Variants in TMEM30B observed in about 807,000 individuals in gnomAD.
TMEM30B encodes cell cycle control protein 50B.
Under a neutral mutation model 27.9 loss-of-function variants are expected in TMEM30B, and 25 were observed. The observed-to-expected ratio is 0.89, with a 90% CI of 0.65 to 1.25. The LOEUF is 1.25. Ranked by LOEUF, TMEM30B falls within the 50% of genes most tolerant of loss-of-function variation. TMEM30B has a pLI of 0.00. For synonymous variants in TMEM30B, 248 were observed against 238.5 expected (o/e 1.04, Z -0.37); for missense variants, 536 against 506.5 (o/e 1.06, Z -0.56).
In TMEM30B at chr14:61,279,248, T is replaced by G. The variant is rs188245392; in HGVS notation, c.*844A>C. The G allele has an allele frequency of 6.6e-6, 1 of 152,344 alleles. No individual in the cohort carries two copies. Among genetic ancestry groups the G allele is most frequent in the Non-Finnish European group, 1.5e-5 (1 of 68,028 alleles). 9.4% of individuals were successfully genotyped at this position (152,344 alleles called of 1,614,324 possible). ...ATAAACCCTGTCCTACAACTCTGTA[T>G]GCCAACTAGTTTTCCCCAGATAGTA... is the stretch of plus-strand genomic sequence containing the variant. On this transcript the variant is annotated 3_prime_UTR_variant, in exon 1 of 1. Transcript: ENST00000555868.
In TMEM30B at chr14:61,280,508, C is replaced by A. The variant is rs2045249145; in HGVS notation, c.640G>T (p.Gly214Cys). Residue 214 changes from glycine to cysteine, a missense_variant, in exon 1 of 1, where the codon GGC (glycine) becomes TGC (cysteine). By Grantham distance (159) the Gly-to-Cys change is radical (BLOSUM62 -3). Coordinates refer to ENST00000555868, the MANE Select transcript of TMEM30B (RefSeq NM_001017970.3). This position sits in a 1 kb window ranked among gnomAD's most constrained non-coding sequence, Gnocchi z 5.0. ...VKFRNPPLVN[G>C]SLALAFQGTA... ...CCCTGGAAGGCCAACGCCAGGCTGC[C>A]GTTGACCAGCGGCGGGTTGCGGAAC... 3.7e-6 allele frequency: 6 copies of A among 1,612,964 alleles called. No individual in the cohort carries two copies. Among genetic ancestry groups the A allele is most frequent in the Non-Finnish European group, 5.1e-6 (6 of 1,179,606 alleles).
At position 61,277,665 on chromosome 14, in the gene TMEM30B, A is replaced by G. The variant is rs143577620; in HGVS notation, c.*2427T>C. The G allele has an allele frequency of 6.6e-6, 1 of 152,344 alleles. No homozygotes were observed. The highest frequency in any genetic ancestry group is 2.4e-5 in the African/African-American group (1 of 41,580). The allele number at this position is 152,344 out of a possible 1,614,324, so 9.4% of individuals were successfully genotyped here. On this transcript the variant is annotated 3_prime_UTR_variant, in exon 1 of 1. Transcript: ENST00000555868. ...GCAATTTATAATTGAAGTAAAATGC[A>G]GAAGACTACTACAAAAATTTTTAAA... is the stretch of plus-strand genomic sequence containing the variant.
chr14:61,280,146 G>A lies in TMEM30B; in HGVS notation c.1002C>T (p.Val334=), dbSNP rs201229810. 3.1e-6 allele frequency: 5 copies of A among 1,613,914 alleles called. No homozygotes were observed. The highest frequency in any genetic ancestry group is 4.2e-6 in the Non-Finnish European group (5 of 1,179,970). ...VGSLCILTGF[V]MLVVYIRYQD... Reference sequence around the variant, plus strand: ...GGTAGCGAATGTAGACGACCAGCATGACAAAGCCGGTGAGGATGCAGAGGG... The same window carrying A: ...GGTAGCGAATGTAGACGACCAGCATAACAAAGCCGGTGAGGATGCAGAGGG... The change falls in exon 1 of 1, where the codon GTC becomes GTT. Residue 334 remains valine, a synonymous_variant. Transcript: ENST00000555868. The surrounding 1 kb of genome is among the most constrained non-coding windows in gnomAD (Gnocchi z 5.0).
Position 61,281,194 on chromosome 14 carries a change from C to A in TMEM30B, c.-47G>T. 8.6e-7 allele frequency: 1 copy of A among 1,158,706 alleles called. No individual in the cohort carries two copies. The highest frequency in any genetic ancestry group is 1.1e-6 in the Non-Finnish European group (1 of 908,208). 71.8% of individuals were successfully genotyped at this position (1,158,706 alleles called of 1,614,324 possible). A position where few individuals can be genotyped will look rare whatever the true frequency, so the allele number is the denominator to read the frequency against. ...GCGCGGGCTGACCGAGTGGGGGCCC[C>A]GCCGCGGGGCGCCTCCCTCTCCGCG... On this transcript the variant is annotated 5_prime_UTR_variant, in exon 1 of 1. Transcript: ENST00000555868.
At position 61,281,274 on chromosome 14, in the gene TMEM30B, T is replaced by G; in HGVS notation, c.-127A>C. On this transcript the variant is annotated 5_prime_UTR_variant, in exon 1 of 1. Transcript: ENST00000555868. ...CGGGTTTCCCGCCAGCTCAGGTGGG[T>G]TTTTGCCCGGGCCCCTCCTCTGCCT... 2.1e-6 allele frequency: 1 copy of G among 486,154 alleles called. No individual in the cohort carries two copies. The allele number at this position is 486,154 out of a possible 1,614,324, so 30.1% of individuals were successfully genotyped here.
rs201596553 is a variant in TMEM30B, at chr14:61,280,408, T to C, written c.740A>G (p.Asn247Ser). 1.1e-5 allele frequency: 17 copies of C among 1,613,986 alleles called. No individual in the cohort carries two copies. The highest frequency in any genetic ancestry group is 5.5e-5 in the South Asian group (5 of 91,076). ...SPDPNNTGFI[N>S]QDFVVWMRTA... ...GCGCATCCACACCACGAAGTCCTGATTGATGAAGCCGGTGTTGTTGGGGTC... is the reference window on the plus strand; with the variant it reads ...GCGCATCCACACCACGAAGTCCTGACTGATGAAGCCGGTGTTGTTGGGGTC... Residue 247 changes from asparagine to serine, a missense_variant, in exon 1 of 1, where the codon AAT becomes AGT. Physicochemically the swap from Asn to Ser is conservative, Grantham distance 46. Transcript: ENST00000555868. The surrounding 1 kb of genome is among the most constrained non-coding windows in gnomAD (Gnocchi z 5.0).
In TMEM30B at chr14:61,279,025, C is replaced by T. The variant is rs1266099536; in HGVS notation, c.*1067G>A. On this transcript the variant is annotated 3_prime_UTR_variant, in exon 1 of 1. Coordinates refer to ENST00000555868, the MANE Select transcript of TMEM30B (RefSeq NM_001017970.3). ...CACACACACACACAATGACAAAGAA[C>T]ACTGAGCTAGGAGACATAGATGTGA... 1 of 109,114 alleles carries T rather than the reference C, an allele frequency of 9.2e-6. No homozygotes were observed. Among genetic ancestry groups the T allele is most frequent in the Non-Finnish European group, 2.2e-5 (1 of 45,096 alleles). The allele number at this position is 109,114 out of a possible 1,614,324, so 6.8% of individuals were successfully genotyped here.
rs548568433 is a variant in TMEM30B at position 61,280,106 on chromosome 14, C to T, written c.1042G>A (p.Asp348Asn). 37 of 1,610,796 alleles carry T rather than the reference C, an allele frequency of 2.3e-5. No individual in the cohort carries two copies. The highest frequency in any genetic ancestry group is 3.1e-5 in the Non-Finnish European group (36 of 1,178,374). The part of the protein sequence containing the change: ...VYIRYQDQDD[D>N]DEE Reference sequence around the variant, plus strand: ...GAAAGCCGGAATCACTCCTCGTCGTCGTCGTCCTGGTCCTGGTAGCGAATG... The same window carrying T: ...GAAAGCCGGAATCACTCCTCGTCGTTGTCGTCCTGGTCCTGGTAGCGAATG... The change falls in exon 1 of 1, where the codon GAC becomes AAC. Residue 348 changes from aspartate (D) to asparagine (N), a missense_variant. Asp to Asn is a conservative substitution (Grantham distance 23). Transcript: ENST00000555868. This position sits in a 1 kb window ranked among gnomAD's most constrained non-coding sequence, Gnocchi z 5.0.
rs1025330633 is a variant in TMEM30B at position 61,281,090 on chromosome 14, G to T, written c.58C>A (p.Gln20Lys). ...AHQPDNTAFT[Q>K]QRLPAWQPLL... ...GGCTGCCAGGCGGGGAGGCGCTGCT[G>T]AGTGAAGGCGGTGTTGTCGGGCTGG... is the stretch of plus-strand genomic sequence containing the variant. The change falls in exon 1 of 1, where the codon CAG becomes AAG. Residue 20 changes from glutamine to lysine, a missense_variant. By Grantham distance (53) the Gln-to-Lys change is moderately conservative. Coordinates refer to ENST00000555868, the MANE Select transcript of TMEM30B (RefSeq NM_001017970.3). The T allele has an allele frequency of 4.6e-6, 7 of 1,505,710 alleles. No homozygotes were observed. In the East Asian group the frequency reaches 1.4e-4, roughly 29 times the overall value. 93.3% of individuals were successfully genotyped at this position (1,505,710 alleles called of 1,614,324 possible).
rs1025397456 is a variant in TMEM30B, at chr14:61,281,287, C to T, written c.-140G>A. ...AGCTCAGGTGGGTTTTTGCCCGGGC[C>T]CCTCCTCTGCCTCCGTCACAGGTGA... On this transcript the variant is annotated 5_prime_UTR_variant, in exon 1 of 1. Coordinates refer to ENST00000555868, the MANE Select transcript of TMEM30B (RefSeq NM_001017970.3). 2.4e-6 allele frequency: 1 copy of T among 414,300 alleles called. No individual in the cohort carries two copies. Among genetic ancestry groups the T allele is most frequent in the Non-Finnish European group, 4.2e-6 (1 of 236,966 alleles). 25.7% of individuals were successfully genotyped at this position (414,300 alleles called of 1,614,324 possible).
chr14:61,279,011 A>ACACACACACT lies in TMEM30B; in HGVS notation c.*1080_*1081insAGTGTGTGTG, dbSNP rs2045230548. ...CACACACACACACACACACACACAC[A>ACACACACACT]CAATGACAAAGAACACTGAGCTAGG... On this transcript the variant is annotated 3_prime_UTR_variant, in exon 1 of 1. Transcript: ENST00000555868. 2 of 150,778 alleles carry ACACACACACT rather than the reference A, an allele frequency of 1.3e-5. No individual in the cohort carries two copies. The highest frequency in any genetic ancestry group is 3.0e-5 in the Non-Finnish European group (2 of 67,768). 9.3% of individuals were successfully genotyped at this position (150,778 alleles called of 1,614,324 possible).
In TMEM30B at chr14:61,280,278, G is replaced by A. The variant is rs777755531; in HGVS notation, c.870C>T (p.Asn290=). The A allele has an allele frequency of 8.1e-6, 13 of 1,614,016 alleles. No individual in the cohort carries two copies. Among genetic ancestry groups the A allele is most frequent in the Non-Finnish European group, 8.5e-7 (1 of 1,180,028 alleles). Residue 290 remains asparagine (N), a synonymous_variant, in exon 1 of 1, where the codon AAC becomes AAT. Transcript: ENST00000555868. This position sits in a 1 kb window ranked among gnomAD's most constrained non-coding sequence, Gnocchi z 5.0. ...GGCCGCCGAACGCGCGCACCGGGTAGTTGTAGGTGATGTTGACGCGGTAGG... is the reference window on the plus strand; with the variant it reads ...GGCCGCCGAACGCGCGCACCGGGTAATTGTAGGTGATGTTGACGCGGTAGG... ...RGAYRVNITY[N]YPVRAFGGHK...
Position 61,280,569 on chromosome 14 carries a change from G to A in TMEM30B, c.579C>T (p.Arg193=). Residue 193 remains arginine, a synonymous_variant, in exon 1 of 1, where the codon CGC becomes CGT. Coordinates refer to ENST00000555868, the MANE Select transcript of TMEM30B (RefSeq NM_001017970.3). This position sits in a 1 kb window ranked among gnomAD's most constrained non-coding sequence, Gnocchi z 5.0. The stretch of plus-strand genomic sequence containing the variant: ...AGTCGGTCCACCAGGCGATGCCGGA[G>A]CGGTCGAGCGGCACCTCGACGTAGG... The part of the protein sequence containing the change: ...GGPYVEVPLD[R]SGIAWWTDYH... The A allele has an allele frequency of 6.2e-7, 1 of 1,605,142 alleles. No homozygotes were observed.
rs1346408825 is a variant in TMEM30B, at chr14:61,280,184, G to A, written c.964C>T (p.Leu322=). The A allele has an allele frequency of 6.2e-7, 1 of 1,614,036 alleles. No individual in the cohort carries two copies. The highest frequency in any genetic ancestry group is 8.5e-7 in the Non-Finnish European group (1 of 1,180,016). The part of the protein sequence containing the change: ...GKNPFLGIAY[L]VVGSLCILTG... The stretch of plus-strand genomic sequence containing the variant: ...AGGATGCAGAGGGAGCCGACGACCA[G>A]GTAGGCGATGCCCAGGAAGGGGTTC... The change falls in exon 1 of 1, where the codon CTG becomes TTG. Residue 322 remains leucine (L), a synonymous_variant. Transcript: ENST00000555868. The surrounding 1 kb of genome is among the most constrained non-coding windows in gnomAD (Gnocchi z 5.0).
rs1452331563 is a variant in TMEM30B at position 61,280,296 on chromosome 14, G to T, written c.852C>A (p.Arg284=). The change falls in exon 1 of 1, where the codon CGC becomes CGA. Residue 284 remains arginine (R), a synonymous_variant. Coordinates refer to ENST00000555868, the MANE Select transcript of TMEM30B (RefSeq NM_001017970.3). The surrounding 1 kb of genome is among the most constrained non-coding windows in gnomAD (Gnocchi z 5.0). ...CCGGGTAGTTGTAGGTGATGTTGAC[G>T]CGGTAGGCGCCCCGCGGCAGCCCGG... ...YSAGLPRGAY[R]VNITYNYPVR... 6.2e-7 allele frequency: 1 copy of T among 1,613,926 alleles called. No individual in the cohort carries two copies. The highest frequency in any genetic ancestry group is 1.3e-5 in the African/African-American group (1 of 75,054).
rs763816645 is a variant in TMEM30B, at chr14:61,280,740, G to A, written c.408C>T (p.Leu136=). The A allele has an allele frequency of 6.4e-7, 1 of 1,572,766 alleles. No homozygotes were observed. The highest frequency in any genetic ancestry group is 1.2e-5 in the South Asian group (1 of 86,602). ...TGACAGGGTGGCGCAGCGCGCTGGG[G>A]AGTCCGCTCAGCTGCGCGTCGTCGC... is the stretch of plus-strand genomic sequence containing the variant. ...VSRDDAQLSG[L]PSALRHPVNE... The change falls in exon 1 of 1, where the codon CTC becomes CTT. Residue 136 remains leucine (L), a synonymous_variant. Coordinates refer to ENST00000555868, the MANE Select transcript of TMEM30B (RefSeq NM_001017970.3). This position sits in a 1 kb window ranked among gnomAD's most constrained non-coding sequence, Gnocchi z 5.0.
Position 61,280,337 on chromosome 14 carries a change from G to A in TMEM30B, c.811C>T (p.Gln271Ter). 2 of 1,613,890 alleles carry A rather than the reference G, an allele frequency of 1.2e-6. No individual in the cohort carries two copies. The highest frequency in any genetic ancestry group is 8.5e-7 in the Non-Finnish European group (1 of 1,179,938). ...TFRKLYARIR[Q>*]GNYSAGLPRG... Reference sequence around the variant, plus strand: ...GGCAGCCCGGCCGAGTAGTTGCCCTGGCGGATGCGCGCGTACAGTTTGCGG... The same window carrying A: ...GGCAGCCCGGCCGAGTAGTTGCCCTAGCGGATGCGCGCGTACAGTTTGCGG... Residue 271 changes from glutamine to a stop codon, truncating the protein, a stop_gained, in exon 1 of 1, where the codon CAG becomes TAG. Transcript: ENST00000555868. LOFTEE classifies it high-confidence loss of function. The surrounding 1 kb of genome is among the most constrained non-coding windows in gnomAD (Gnocchi z 5.0).
At position 61,280,491 on chromosome 14, in the gene TMEM30B, G is replaced by C. The variant is rs370018587; in HGVS notation, c.657C>G (p.Ala219=). Residue 219 remains alanine, a synonymous_variant, in exon 1 of 1, where the codon GCC becomes GCG. Coordinates refer to ENST00000555868, the MANE Select transcript of TMEM30B (RefSeq NM_001017970.3). This position sits in a 1 kb window ranked among gnomAD's most constrained non-coding sequence, Gnocchi z 5.0. ...PPLVNGSLAL[A]FQGTAPPPNW... ...TGGGCGGGGGCGCCGTGCCCTGGAA[G>C]GCCAACGCCAGGCTGCCGTTGACCA... 1.7e-5 allele frequency: 27 copies of C among 1,613,040 alleles called. No individual in the cohort carries two copies. The highest frequency in any genetic ancestry group is 2.3e-5 in the Non-Finnish European group (27 of 1,179,598).
rs2045247485 is a variant in TMEM30B at position 61,280,414 on chromosome 14, A to G, written c.734T>C (p.Phe245Ser). 2 of 1,613,844 alleles carry G rather than the reference A, an allele frequency of 1.2e-6. No homozygotes were observed. Among genetic ancestry groups the G allele is most frequent in the Admixed American group, 3.3e-5 (2 of 60,002 alleles). Reference sequence around the variant, plus strand: ...CCACACCACGAAGTCCTGATTGATGAAGCCGGTGTTGTTGGGGTCGGGGCT... The same window carrying G: ...CCACACCACGAAGTCCTGATTGATGGAGCCGGTGTTGTTGGGGTCGGGGCT... ...ELSPDPNNTG[F>S]INQDFVVWMR... is the part of the protein sequence containing the mutation. Residue 245 changes from phenylalanine to serine, a missense_variant, in exon 1 of 1, where the codon TTC becomes TCC. Phe to Ser is a radical substitution (Grantham distance 155). Transcript: ENST00000555868. The surrounding 1 kb of genome is among the most constrained non-coding windows in gnomAD (Gnocchi z 5.0).
Sources: allele counts gnomAD v4.1 joint callset, GRCh38; gene constraint gnomAD v4.1.1; non-coding constraint Gnocchi (gnomAD v3.1); transcripts MANE v1.5; gene names NCBI Gene and HGNC (gene_info 2026-07-23, HGNC 2026-07-21).